The following METTL9 variants were observed in gnomAD, a reference collection of about 807,000 sequenced individuals.
The protein encoded by METTL9 is protein-L-histidine N-pros-methyltransferase.
Under a neutral mutation model 36.0 loss-of-function variants are expected in METTL9, and 10 were observed. That is an observed-to-expected ratio of 0.28 (90% CI 0.17 to 0.47). The LOEUF (loss-of-function observed/expected upper bound fraction) is 0.47. Among genes scored for constraint, METTL9 ranks in the 20% least tolerant of loss-of-function variants. METTL9 has a pLI of 0.99. For synonymous variants in METTL9, 175 were observed against 149.7 expected, an observed-to-expected ratio of 1.17 and a Z score of -1.23; for missense variants, 246 against 383.5, an observed-to-expected ratio of 0.64 and a Z score of 3.00.
chr16:21,607,271 C>T lies in METTL9; in HGVS notation c.166-5374C>T, dbSNP rs374150950. ...TGTATTTTTAGTAGAGACGGGGTTT[C>T]ACCATGTTGGCCAGGCTGGTCTTGA... On this transcript the variant is annotated intron_variant, in intron 1 of 4. Coordinates refer to ENST00000358154, the MANE Select transcript of METTL9 (RefSeq NM_016025.5). Among the ~76,000 whole-genome samples the T allele has an allele frequency of 6.6e-5, 10 of 152,228 alleles. No homozygotes were observed. The South Asian group carries it at 1.0e-3, about 16-fold the overall frequency.
At chr16:21,621,424 C>T (rs1965690497) in intron 3 of METTL9, among the ~76,000 whole-genome samples, 1 of 151,990 alleles carries the variant, frequency 6.6e-6, no homozygotes, top group Non-Finnish European at 1.5e-5. Flanking sequence ...CTCCCAGGTT[C>T]AAGTGATTAG....
At chr16:21,603,120 T>A (rs898337518) in intron 1 of METTL9, among the ~76,000 whole-genome samples, 1 of 151,556 alleles carries the variant, frequency 6.6e-6, no homozygotes, top group Non-Finnish European at 1.5e-5. Context: ...CAAGAGAAAT[T>A]CCCAGCTTCC....
rs547927181 is a variant in METTL9 at position 21,606,985 on chromosome 16, A to G, written c.166-5660A>G. 1.2e-3 allele frequency among the ~76,000 whole-genome samples: 180 copies of G among 152,330 alleles called. 1 individual carries two copies. The highest frequency in any genetic ancestry group is 5.0e-3 in the Admixed American group (77 of 15,300). The stretch of plus-strand genomic sequence containing the variant: ...ATATTTGGTCTGATTAGCAAATCTA[A>G]TTTTATAGGAAAATTGCATTCCTAC... On this transcript the variant is annotated intron_variant, in intron 1 of 4. Transcript: ENST00000358154.
At chr16:21,603,058 T>C (rs1965179958) in intron 1 of METTL9, among the ~76,000 whole-genome samples, 1 of 152,186 alleles carries the variant, frequency 6.6e-6, no homozygotes, top group South Asian at 2.1e-4. Context: ...CTGTATGGCC[T>C]GCAAGCCTAA....
chr16:21,626,435 C>T (rs947064161), intron 4 of METTL9, among the ~76,000 whole-genome samples: 1 of 152,084 alleles, frequency 6.6e-6, no homozygotes, highest in Non-Finnish European at 1.5e-5. Flanking sequence ...TTTTTCTCCC[C>T]AGATCTTAGT....
At chr16:21,603,192 T>C (rs1189917149) in intron 1 of METTL9, among the ~76,000 whole-genome samples, 1 of 149,862 alleles carries the variant, frequency 6.7e-6, no homozygotes, top group Non-Finnish European at 1.5e-5. Context: ...CAGGCTGGAG[T>C]GTAGTGGCAC....
intron 3 of METTL9, among the ~76,000 whole-genome samples, chr16:21,619,546 G>C (rs1256740949): frequency 1.3e-5 from 2 of 150,456 alleles, no homozygotes; most frequent in Non-Finnish European, 2.9e-5. Flanking sequence ...TCAGCCTCCT[G>C]AGTAGCTGGG....
chr16:21,617,540 C>G lies in METTL9; in HGVS notation c.357-325C>G, dbSNP rs979734059. ...GTCAGGAGTTCGAGACCAACCTGGCCGACATGGTGAAACCCTGTCTCCACT... is the reference window on the plus strand; with the variant it reads ...GTCAGGAGTTCGAGACCAACCTGGCGGACATGGTGAAACCCTGTCTCCACT... On this transcript the variant is annotated intron_variant, in intron 2 of 4. Coordinates refer to ENST00000358154, the MANE Select transcript of METTL9 (RefSeq NM_016025.5). Among the ~76,000 whole-genome samples the G allele has an allele frequency of 8.6e-5, 13 of 151,170 alleles. No individual in the cohort carries two copies. In the East Asian group the frequency reaches 2.6e-3, roughly 30 times the overall value.
intron 4 of METTL9, chr16:21,652,347 C>G: frequency 2.0e-6 from 1 of 489,694 alleles, no homozygotes; most frequent in Non-Finnish European, 3.6e-6. Flanking sequence ...TAATATGAAA[C>G]TTTTTCTCAG....
intron 2 of METTL9, among the ~76,000 whole-genome samples, chr16:21,613,787 G>T (rs1426358009): frequency 1.3e-5 from 2 of 151,258 alleles, no homozygotes; most frequent in African/African-American, 4.9e-5. Context: ...TCCCCAGAGT[G>T]GTTCCCTCAT....
intron 2 of METTL9, among the ~76,000 whole-genome samples, chr16:21,617,286 C>T (rs1191197967): frequency 6.6e-6 from 1 of 151,136 alleles, no homozygotes; most frequent in Non-Finnish European, 1.5e-5. Context: ...GGTGTGGTGG[C>T]GGGCGCCTGT....
At chr16:21,652,428 TAC>T in intron 4 of METTL9, 1 of 849,124 alleles carries the variant, frequency 1.2e-6, no homozygotes, top group Non-Finnish European at 1.9e-6. Flanking sequence ...CATAATGTTA[TAC>T]ATTTAAAAAT....
chr16:21,618,097 T>G, intron 3 of METTL9, 23 bp downstream of exon 3: 1 of 1,456,806 alleles, frequency 6.9e-7, no homozygotes, highest in Non-Finnish European at 9.3e-7. Context: ...TGGTTTTAGA[T>G]GCATTTCTTC....
chr16:21,644,261 G>A (rs1966359327), intron 4 of METTL9: 1 of 1,408,890 alleles, frequency 7.1e-7, no homozygotes, highest in South Asian at 1.1e-5. Context: ...AGGATATAGG[G>A]ACATTCCATG....
At chr16:21,608,074 G>A (rs570669078) in intron 1 of METTL9, among the ~76,000 whole-genome samples, 4 of 152,018 alleles carry the variant, frequency 2.6e-5, no homozygotes, top group South Asian at 2.1e-4. Context: ...ACTTGAACCC[G>A]GCAGGCAGAG....
At chr16:21,629,266 A>G (rs1965886576) in intron 4 of METTL9, among the ~76,000 whole-genome samples, 1 of 152,048 alleles carries the variant, frequency 6.6e-6, no homozygotes, top group Non-Finnish European at 1.5e-5. Context: ...GGTATTAGGA[A>G]GGGGTCTTTA....
chr16:21,607,010 C>T (rs1260365448), intron 1 of METTL9, among the ~76,000 whole-genome samples: 1 of 152,016 alleles, frequency 6.6e-6, no homozygotes. Flanking sequence ...TGCATTCCTA[C>T]TTTGAACGAG....
intron 3 of METTL9, among the ~76,000 whole-genome samples, chr16:21,619,866 C>G (rs1965651462): frequency 6.6e-6 from 1 of 152,108 alleles, no homozygotes; most frequent in Non-Finnish European, 1.5e-5. Flanking sequence ...TCTGGTTAGC[C>G]TTAGAAAGAA....
At chr16:21,625,280 C>T in intron 4 of METTL9, 165 bp downstream of exon 4, 1 of 735,676 alleles carries the variant, frequency 1.4e-6, no homozygotes, top group Non-Finnish European at 2.2e-6. Context: ...TTAATGTTCA[C>T]CTTAAGGTGG....
Sources: gnomAD v4.1 joint callset for allele counts (sites outside exome capture counted in the v4.1 genomes callset) on GRCh38, gnomAD v4.1.1 for gene constraint, MANE v1.5 for transcripts, NCBI Gene and HGNC (gene_info 2026-07-23, HGNC 2026-07-21) for gene names.